The following BCO1 variants were observed in gnomAD, a reference collection of about 807,000 sequenced individuals.
BCO1 encodes beta-carotene oxygenase 1.
BCO1 carries 54 observed loss-of-function variants against 56.3 expected under a neutral mutation model. The observed-to-expected ratio is 0.96, with a 90% confidence interval of 0.77 to 1.20. The LOEUF (loss-of-function observed/expected upper bound fraction) is 1.20. BCO1 is among the 50% of genes most tolerant of loss of function. BCO1 has a pLI of 0.00. For missense variants in BCO1, 801 were observed against 690.9 expected (o/e 1.16, Z -1.79); for synonymous variants, 318 against 266.1 (o/e 1.20, Z -1.90).
chr16:81,279,704 C>T (rs1258153726), intron 7 of BCO1, among the ~76,000 whole-genome samples: 2 of 152,144 alleles, frequency 1.3e-5, no homozygotes, highest in Non-Finnish European at 2.9e-5. Flanking sequence ...GTAGTAGATG[C>T]TCAATAAATA....
intron 2 of BCO1, among the ~76,000 whole-genome samples, chr16:81,253,546 A>T (rs1905941049): frequency 6.6e-6 from 1 of 152,212 alleles, no homozygotes; most frequent in Non-Finnish European, 1.5e-5. Context: ...CTGGCCCATC[A>T]GGGCAGTTAA....
intron 7 of BCO1, among the ~76,000 whole-genome samples, chr16:81,274,497 C>T (rs1172295862): frequency 6.6e-6 from 1 of 152,088 alleles, no homozygotes; most frequent in African/African-American, 2.4e-5. Context: ...ATCTTCTGAC[C>T]TCGTGATCCG....
intron 1 of BCO1, 39 bp from the exon 2 acceptor site, chr16:81,245,436 A>G (rs1463936943): frequency 1.2e-6 from 2 of 1,614,116 alleles, no homozygotes; most frequent in Non-Finnish European, 1.7e-6. Context: ...TTTGGTTTGC[A>G]GGTGGAAACG....
At chr16:81,269,945 A>G (rs1907080634) in intron 6 of BCO1, among the ~76,000 whole-genome samples, 1 of 152,186 alleles carries the variant, frequency 6.6e-6, no homozygotes, top group Admixed American at 6.5e-5. Flanking sequence ...CCTCCTCTCC[A>G]TCTGAAAGAT....
At chr16:81,241,580 TG>T (rs1226667419) in intron 1 of BCO1, among the ~76,000 whole-genome samples, 1 of 152,036 alleles carries the variant, frequency 6.6e-6, no homozygotes, top group Admixed American at 6.6e-5. Context: ...GTCAGACACT[TG>T]GGGGGTGGAG....
At chr16:81,240,007 G>A (rs868481788) in intron 1 of BCO1, among the ~76,000 whole-genome samples, 2 of 151,990 alleles carry the variant, frequency 1.3e-5, no homozygotes, top group Admixed American at 6.6e-5. Flanking sequence ...AGTGATTTTC[G>A]TGAGAACATC....
chr16:81,267,988 A>G lies in BCO1; in HGVS notation c.700A>G (p.Ser234Gly), dbSNP rs1343356033. ...SIPSRSLLSP[S>G]YYHSFGVTEN... ...CCCATCCCGCTCCCTGCTCTCCCCAAGCTACTACCACAGCTTTGGAGTCAC... is the reference window on the plus strand; with the variant it reads ...CCCATCCCGCTCCCTGCTCTCCCCAGGCTACTACCACAGCTTTGGAGTCAC... Residue 234 changes from serine to glycine, a missense_variant, in exon 6 of 11, where the codon AGC becomes GGC. By Grantham distance (56) the Ser-to-Gly change is moderately conservative. Coordinates refer to ENST00000258168, the MANE Select transcript of BCO1 (RefSeq NM_017429.3). 3.1e-6 allele frequency: 5 copies of G among 1,613,814 alleles called. No homozygotes were observed. The highest frequency in any genetic ancestry group is 4.2e-6 in the Non-Finnish European group (5 of 1,180,020).
At chr16:81,285,407 A>T in intron 8 of BCO1, 133 bp from the exon 9 acceptor site, 2 of 724,140 alleles carry the variant, frequency 2.8e-6, no homozygotes, top group Non-Finnish European at 5.0e-6. Context: ...GATCCAATGC[A>T]GGCTCTAAAT....
chr16:81,290,227 A>C (rs1908386681), intron 10 of BCO1, 121 bp from the exon 11 acceptor site: 2 of 844,762 alleles, frequency 2.4e-6, no homozygotes, highest in Non-Finnish European at 3.9e-6. Context: ...TCTCAAATTC[A>C]CTCCCTCCTG....
chr16:81,250,169 G>A (rs965823940), intron 2 of BCO1, among the ~76,000 whole-genome samples: 5 of 152,150 alleles, frequency 3.3e-5, no homozygotes, highest in Admixed American at 3.3e-4. Flanking sequence ...AAGGAATGAA[G>A]TCCCAGAGAG....
intron 6 of BCO1, among the ~76,000 whole-genome samples, chr16:81,268,908 G>A (rs1280465734): frequency 1.3e-5 from 2 of 151,804 alleles, no homozygotes; most frequent in African/African-American, 4.8e-5. Flanking sequence ...TGGAACCAGA[G>A]GCACATGTCT....
At chr16:81,268,436 G>A (rs1419000638) in intron 6 of BCO1, among the ~76,000 whole-genome samples, 7 of 152,190 alleles carry the variant, frequency 4.6e-5, no homozygotes, top group African/African-American at 1.2e-4. Context: ...TGAGTCCTCA[G>A]TCCTTATGGA....
chr16:81,244,273 A>G (rs1235460661), intron 1 of BCO1, among the ~76,000 whole-genome samples: 1 of 152,236 alleles, frequency 6.6e-6, no homozygotes, highest in Admixed American at 6.6e-5. Context: ...AAGAGAACCT[A>G]TGCCACACGT....
intron 7 of BCO1, among the ~76,000 whole-genome samples, chr16:81,275,857 C>T (rs1907521825): frequency 6.6e-6 from 1 of 152,256 alleles, no homozygotes; most frequent in South Asian, 2.1e-4. Flanking sequence ...CCTCTGGGCA[C>T]CGTGGGCCTG....
intron 2 of BCO1, among the ~76,000 whole-genome samples, chr16:81,252,626 C>G (rs1043758146): frequency 6.6e-6 from 1 of 152,170 alleles, no homozygotes; most frequent in Non-Finnish European, 1.5e-5. Flanking sequence ...GGTGGTGACT[C>G]CCAGCAACAG....
intron 2 of BCO1, among the ~76,000 whole-genome samples, chr16:81,249,358 G>A (rs1905640706): frequency 6.6e-6 from 1 of 152,184 alleles, no homozygotes; most frequent in East Asian, 1.9e-4. Context: ...CCGGGTTCAC[G>A]CCATTCTCCT....
chr16:81,239,141 C>G (rs1177438645), intron 1 of BCO1, among the ~76,000 whole-genome samples, 169 bp downstream of exon 1: 4 of 151,782 alleles, frequency 2.6e-5, no homozygotes, highest in African/African-American at 7.3e-5. Context: ...CACAGCCTCC[C>G]GAGTAGCTGA....
chr16:81,285,206 G>T (rs1272962910), intron 8 of BCO1, among the ~76,000 whole-genome samples: 7 of 151,774 alleles, frequency 4.6e-5, no homozygotes, highest in African/African-American at 1.7e-4. Flanking sequence ...GCACTTTTTT[G>T]AAAAAAAGCT....
intron 2 of BCO1, among the ~76,000 whole-genome samples, chr16:81,248,023 G>T (rs1340685149): frequency 6.6e-6 from 1 of 152,098 alleles, no homozygotes; most frequent in Non-Finnish European, 1.5e-5. Context: ...TCATGGAGCT[G>T]CTATTAGATC....
Sources: gnomAD v4.1 joint callset for allele counts (sites outside exome capture counted in the v4.1 genomes callset) on GRCh38, gnomAD v4.1.1 for gene constraint, MANE v1.5 for transcripts, NCBI Gene and HGNC (gene_info 2026-07-23, HGNC 2026-07-21) for gene names.